Variants in LIX1 observed in about 807,000 individuals in gnomAD.
LIX1 encodes the protein limb and CNS expressed 1.
Under a neutral mutation model 33.4 loss-of-function variants are expected in LIX1, and 24 were observed. That is an observed-to-expected ratio of 0.72 (90% CI 0.52 to 1.01). LIX1 has a LOEUF of 1.01. LIX1 is among the 50% of genes least tolerant of loss of function. LIX1 has a pLI of 0.00. For missense variants in LIX1, 311 were observed against 339.2 expected, an observed-to-expected ratio of 0.92 and a Z score of 0.65; for synonymous variants, 124 against 124.0, an observed-to-expected ratio of 1.00 and a Z score of 0.00.
intron 1 of LIX1, among the ~76,000 whole-genome samples, chr5:97,139,287 G>T (rs1364952256): frequency 6.6e-6 from 1 of 152,234 alleles, no homozygotes; most frequent in Non-Finnish European, 1.5e-5. Context: ...AGGACTTGAT[G>T]TCTTAGCCTT....
intron 1 of LIX1, chr5:97,137,238 G>A (rs1313730748): frequency 8.9e-6 from 3 of 337,852 alleles, no homozygotes; most frequent in African/African-American, 4.3e-5. Context: ...CTGGTGAGAT[G>A]GGAGAGCAGT....
intron 1 of LIX1, among the ~76,000 whole-genome samples, chr5:97,131,166 C>T (rs1381039808): frequency 6.6e-6 from 1 of 152,162 alleles, no homozygotes; most frequent in Non-Finnish European, 1.5e-5. Context: ...GTTATTTAAC[C>T]CTTGACCCTC....
At chr5:97,096,169 C>T (rs918149208) in intron 5 of LIX1, among the ~76,000 whole-genome samples, 1 of 152,018 alleles carries the variant, frequency 6.6e-6, no homozygotes, top group Admixed American at 6.6e-5. Context: ...TCTTGGAGAA[C>T]AACAGGTGAA....
At chr5:97,109,491 C>T (rs577135121) in intron 2 of LIX1, among the ~76,000 whole-genome samples, 51 of 152,262 alleles carry the variant, frequency 3.3e-4, no homozygotes, top group African/African-American at 1.1e-3. Context: ...TGGGCTCAAG[C>T]GATCCACCTG....
chr5:97,132,154 C>T (rs576908224), intron 1 of LIX1, among the ~76,000 whole-genome samples: 2 of 152,288 alleles, frequency 1.3e-5, no homozygotes, highest in African/African-American at 4.8e-5. Flanking sequence ...TGCAATGTGG[C>T]ATTGGCATGT....
rs1398320838 is a variant in LIX1 at position 97,091,996 on chromosome 5, TA to T, written c.*2751del. 6.6e-6 allele frequency: 1 copy of T among 152,358 alleles called. No individual in the cohort carries two copies. Among genetic ancestry groups the T allele is most frequent in the Non-Finnish European group, 1.5e-5 (1 of 68,038 alleles). 9.4% of individuals were successfully genotyped at this position (152,358 alleles called of 1,614,324 possible). A position where few individuals can be genotyped will look rare whatever the true frequency, so the allele number is the denominator to read the frequency against. ...TGGTAAATTTGGATTTTGTGGAACT[TA>T]AACTATCTCATGTCAAACACAGTGC... On this transcript the variant is annotated 3_prime_UTR_variant, in exon 6 of 6. Transcript: ENST00000274382.
chr5:97,096,907 A>G lies in LIX1; in HGVS notation c.484-20T>C, dbSNP rs777094368. 8 of 1,593,856 alleles carry G rather than the reference A, an allele frequency of 5.0e-6. No individual in the cohort carries two copies. In the South Asian group the frequency reaches 8.8e-5, roughly 18 times the overall value. On this transcript the variant is annotated intron_variant, in intron 4 of 5. Transcript: ENST00000274382. Reference sequence around the variant, plus strand: ...CAGCTCCTACAAAACCCAAACACCTATCATTGGTCCCAAAGCAGAAATGTG... The same window carrying G: ...CAGCTCCTACAAAACCCAAACACCTGTCATTGGTCCCAAAGCAGAAATGTG...
At chr5:97,118,962 A>G (rs1297340761) in intron 2 of LIX1, among the ~76,000 whole-genome samples, 1 of 152,214 alleles carries the variant, frequency 6.6e-6, no homozygotes, top group African/African-American at 2.4e-5. Context: ...GCTTCTCTGC[A>G]TAAAAACCAG....
intron 2 of LIX1, among the ~76,000 whole-genome samples, chr5:97,118,117 T>A (rs1245239967): frequency 6.6e-6 from 1 of 152,204 alleles, no homozygotes; most frequent in Non-Finnish European, 1.5e-5. Context: ...TGAGTGAGTG[T>A]CTCACATTCC....
intron 2 of LIX1, among the ~76,000 whole-genome samples, chr5:97,114,972 G>A (rs1261993645): frequency 2.6e-5 from 4 of 152,208 alleles, no homozygotes; most frequent in Non-Finnish European, 5.9e-5. Context: ...GTCAAGGAAA[G>A]TAGCATTCAG....
At chr5:97,134,947 A>G (rs993578403) in intron 1 of LIX1, among the ~76,000 whole-genome samples, 3 of 152,068 alleles carry the variant, frequency 2.0e-5, no homozygotes, top group Non-Finnish European at 2.9e-5. Context: ...CAGCAGAGGG[A>G]CTTTCCTTTG....
chr5:97,121,410 AT>A (rs1424856222), intron 2 of LIX1, among the ~76,000 whole-genome samples: 1 of 151,946 alleles, frequency 6.6e-6, no homozygotes, highest in Non-Finnish European at 1.5e-5. Context: ...CTCTTACTAA[AT>A]TGATGTTTAC....
intron 1 of LIX1, among the ~76,000 whole-genome samples, chr5:97,133,594 A>G (rs1402073837): frequency 6.6e-6 from 1 of 152,240 alleles, no homozygotes; most frequent in African/African-American, 2.4e-5. Context: ...ACATTGTGCT[A>G]TTTATTTCCA....
chr5:97,108,673 G>A (rs1346987915), intron 2 of LIX1, among the ~76,000 whole-genome samples: 5 of 152,076 alleles, frequency 3.3e-5, no homozygotes, highest in Admixed American at 3.3e-4. Context: ...GGGGAAACAA[G>A]AGAAGTCCAG....
At chr5:97,106,169 C>A (rs1747011188) in intron 3 of LIX1, among the ~76,000 whole-genome samples, 1 of 152,222 alleles carries the variant, frequency 6.6e-6, no homozygotes, top group Non-Finnish European at 1.5e-5. Context: ...ATTACTTTTA[C>A]ACTGAGGGCC....
Position 97,096,227 on chromosome 5 carries a change from G to A in LIX1, c.561+583C>T, listed in dbSNP as rs960619014. 3.3e-5 allele frequency among the ~76,000 whole-genome samples: 5 copies of A among 152,158 alleles called. No homozygotes were observed. In the East Asian group the frequency reaches 5.8e-4, roughly 18 times the overall value. On this transcript the variant is annotated intron_variant, in intron 5 of 5. Transcript: ENST00000274382. ...GGTTCACATTAGCTATTAAAAAAGG[G>A]GGAAGGGTGCTTCTCATAAATAACA... is the stretch of plus-strand genomic sequence containing the variant.
intron 2 of LIX1, among the ~76,000 whole-genome samples, chr5:97,112,793 TAAAG>T (rs1747468604): frequency 8.6e-6 from 1 of 116,000 alleles, no homozygotes; most frequent in African/African-American, 4.2e-5. Context: ...GATCTAAAAT[TAAAG>T]TAAAAAAAAA....
At chr5:97,140,426 G>A (rs1030642722) in intron 1 of LIX1, among the ~76,000 whole-genome samples, 1 of 152,186 alleles carries the variant, frequency 6.6e-6, no homozygotes, top group Non-Finnish European at 1.5e-5. Flanking sequence ...TGGAGGAGGA[G>A]CCAGCAGTGA....
rs539409954 is a variant in LIX1, at chr5:97,127,457, G to C, written c.83-2828C>G. ...CCATAGATGTCATCACCCACCAAGAGTGCAATATATATACATACAGACACA... is the reference window on the plus strand; with the variant it reads ...CCATAGATGTCATCACCCACCAAGACTGCAATATATATACATACAGACACA... On this transcript the variant is annotated intron_variant, in intron 1 of 5. Transcript: ENST00000274382. Among the ~76,000 whole-genome samples the C allele has an allele frequency of 7.0e-4, 106 of 152,212 alleles. 1 individual carries two copies. Among genetic ancestry groups the C allele is most frequent in the Admixed American group, 9.8e-4 (15 of 15,288 alleles).
Sources: allele counts gnomAD v4.1 joint callset (sites outside exome capture counted in the v4.1 genomes callset), GRCh38; gene constraint gnomAD v4.1.1; transcripts MANE v1.5; gene names NCBI Gene and HGNC (gene_info 2026-07-23, HGNC 2026-07-21).